Variants in PARP9 observed in about 807,000 individuals in gnomAD.
PARP9 encodes the protein protein mono-ADP-ribosyltransferase PARP9.
In PARP9, 48 loss-of-function variants were observed where a neutral mutation model predicts 68.8. The ratio of observed to expected loss-of-function variants is 0.70; its 90% CI spans 0.55 to 0.89. The LOEUF (loss-of-function observed/expected upper bound fraction) is 0.89. Among genes scored for constraint, PARP9 ranks in the 40% least tolerant of loss-of-function variants. The probability of loss-of-function intolerance (pLI) is 0.00; values close to 1 mark genes in which losing one functional copy is unlikely to be tolerated. For synonymous variants in PARP9, 309 were observed against 333.8 expected (o/e 0.93, Z 0.81); for missense variants, 806 against 969.3 (o/e 0.83, Z 2.24).
chr3:122,545,353 C>T, intron 7 of PARP9, 79 bp downstream of exon 7: 1 of 1,427,828 alleles, frequency 7.0e-7, no homozygotes, highest in Non-Finnish European at 9.9e-7. Flanking sequence ...CTTCTCCCCT[C>T]CGTTAGTTCA....
intron 8 of PARP9, among the ~76,000 whole-genome samples, chr3:122,539,119 ACTCT>A (rs1037195185): frequency 6.6e-6 from 1 of 151,540 alleles, no homozygotes; most frequent in Non-Finnish European, 1.5e-5. Context: ...GTTTCAAGAA[ACTCT>A]CTGTACTCTT....
chr3:122,547,328 C>G (rs1455803432), intron 6 of PARP9, among the ~76,000 whole-genome samples: 3 of 151,656 alleles, frequency 2.0e-5, no homozygotes, highest in Admixed American at 2.0e-4. Context: ...TTCCTGACCT[C>G]AGGTGATCCG....
chr3:122,543,459 C>T (rs546877385), intron 7 of PARP9, among the ~76,000 whole-genome samples: 1 of 149,124 alleles, frequency 6.7e-6, no homozygotes, highest in Non-Finnish European at 1.5e-5. Flanking sequence ...GTATTTTTAG[C>T]AGAGATGGGA....
In PARP9 at chr3:122,556,097, T is replaced by C. The variant is rs1206869795; in HGVS notation, c.74A>G (p.Tyr25Cys). ...GTGGTTAATGGGAATTTGCCAACTA[T>C]AGTTTTCTCCAAGAGCACCAGTCTC... ...KSETGALGENYSWQIPINHND... is the reference protein window; with the variant it reads ...KSETGALGENCSWQIPINHND... Residue 25 changes from tyrosine (Y) to cysteine (C), a missense_variant, in exon 4 of 11, where the codon TAT becomes TGT. By Grantham distance (194) the Tyr-to-Cys change is radical (BLOSUM62 -2). This residue lies in a region of PARP9 where 126 missense variants were observed against 110.5 expected (regional missense o/e 1.14). Transcript: ENST00000682323. 2.0e-6 allele frequency: 3 copies of C among 1,506,876 alleles called. No homozygotes were observed. The Admixed American group carries it at 5.7e-5, about 28-fold the overall frequency. The allele number at this position is 1,506,876 out of a possible 1,614,324, so 93.3% of individuals were successfully genotyped here.
chr3:122,536,374 A>C (rs551663584), intron 9 of PARP9, 32 bp from the exon 10 acceptor site: 1 of 1,604,506 alleles, frequency 6.2e-7, no homozygotes, highest in South Asian at 1.1e-5. Context: ...ACTGAAAAAG[A>C]GGCTAGAGAA....
intron 4 of PARP9, 68 bp downstream of exon 4, chr3:122,555,218 C>T (rs1464621130): frequency 1.4e-6 from 2 of 1,421,284 alleles, no homozygotes; most frequent in East Asian, 2.3e-5. Flanking sequence ...GCATAGTGTA[C>T]ACTCAAAAAT....
chr3:122,547,926 C>T (rs2078894465), intron 6 of PARP9, among the ~76,000 whole-genome samples: 1 of 152,070 alleles, frequency 6.6e-6, no homozygotes, highest in South Asian at 2.1e-4. Context: ...AGAGATAATC[C>T]TCTGCATGGG....
At chr3:122,539,507 A>ATTCCTTCC (rs1553714534) in intron 8 of PARP9, among the ~76,000 whole-genome samples, 6 of 133,162 alleles carry the variant, frequency 4.5e-5, no homozygotes, top group South Asian at 2.5e-4. Flanking sequence ...CCAAGATGGC[A>ATTCCTTCC]TTTCTTTCTT....
At chr3:122,535,982 A>T in intron 10 of PARP9, 186 bp downstream of exon 10, 2 of 1,486,920 alleles carry the variant, frequency 1.3e-6, no homozygotes, top group Admixed American at 2.5e-5. Context: ...AAAGATACGA[A>T]GGAAAAGTAA....
At chr3:122,563,453 GTTTC>G (rs2080408872) in intron 1 of PARP9, among the ~76,000 whole-genome samples, 1 of 152,158 alleles carries the variant, frequency 6.6e-6, no homozygotes, top group Non-Finnish European at 1.5e-5. Context: ...AATTTCATCT[GTTTC>G]TTTATCCTTT....
At position 122,540,853 on chromosome 3, in the gene PARP9, C is replaced by T; in HGVS notation, c.1385-1G>A. ...TTCTCCTCTCTGGTTGACTGGGGGA[C>T]TGAAATGACTATAATAAGCAACCAT... On this transcript the variant is annotated splice_acceptor_variant, in intron 7 of 10. Transcript: ENST00000682323. LOFTEE classifies it high-confidence loss of function. 1 of 1,607,756 alleles carries T rather than the reference C, an allele frequency of 6.2e-7. No homozygotes were observed. The highest frequency in any genetic ancestry group is 8.5e-7 in the Non-Finnish European group (1 of 1,177,528).
Position 122,536,943 on chromosome 3 carries a change from C to T in PARP9, c.1896G>A (p.Gln632=). 1 of 1,612,554 alleles carries T rather than the reference C, an allele frequency of 6.2e-7. No homozygotes were observed. The highest frequency in any genetic ancestry group is 8.5e-7 in the Non-Finnish European group (1 of 1,179,602). ...CCTTTGTTAGGTATACCTTTAGAACCTGCAAACCACATTTTTCAAACTGTT... is the reference window on the plus strand; with the variant it reads ...CCTTTGTTAGGTATACCTTTAGAACTTGCAAACCACATTTTTCAAACTGTT... ...QKKQFEKCGL[Q]VLKVEKIDNE... The change falls in exon 9 of 11, where the codon CAG becomes CAA. Residue 632 remains glutamine, a synonymous_variant. Transcript: ENST00000682323.
intron 8 of PARP9, among the ~76,000 whole-genome samples, chr3:122,537,950 T>C (rs2077776570): frequency 6.6e-6 from 1 of 152,186 alleles, no homozygotes; most frequent in African/African-American, 2.4e-5. Context: ...AAAAAAGACT[T>C]GTTTTCTCTT....
At chr3:122,530,161 A>C (rs2077208828) in intron 10 of PARP9, among the ~76,000 whole-genome samples, 2 of 148,718 alleles carry the variant, frequency 1.3e-5, no homozygotes, top group African/African-American at 5.0e-5. Flanking sequence ...TGGGTGACAA[A>C]GCAAGGCCCT....
Position 122,555,839 on chromosome 3 carries a change from C to T in PARP9, c.332G>A (p.Gly111Glu), listed in dbSNP as rs2079587570. Residue 111 changes from glycine to glutamate, a missense_variant, in exon 4 of 11, where the codon GGG becomes GAG. Transcript: ENST00000682323. ...VNAANEDLLH[G>E]GGLALALVKA... ...TACCAGGGCCAGGGCCAGGCCTCCC[C>T]CATGCAGAAGATCTTCATTGGCTGC... is the stretch of plus-strand genomic sequence containing the variant. The T allele has an allele frequency of 1.2e-6, 2 of 1,613,948 alleles. No homozygotes were observed. Among genetic ancestry groups the T allele is most frequent in the Non-Finnish European group, 8.5e-7 (1 of 1,180,026 alleles).
intron 1 of PARP9, among the ~76,000 whole-genome samples, chr3:122,562,156 CTCTTTTCTTTTCTTT>C (rs11276615): frequency 0.22 from 30,497 of 140,970 alleles, 3,680 homozygotes; most frequent in East Asian, 0.38. Context: ...TGGCAATATA[CTCTTTTCTTTTCTTT>C]TCTTTTCTTT....
intron 1 of PARP9, among the ~76,000 whole-genome samples, chr3:122,560,951 A>G (rs949824443): frequency 6.6e-6 from 1 of 152,194 alleles, no homozygotes; most frequent in African/African-American, 2.4e-5. Flanking sequence ...AGGCCTATGG[A>G]TAGCCAAACA....
rs1335800557 is a variant in PARP9, at chr3:122,562,173, C to CTTTTCTTTTCTTTTCTT, written c.-90+2055_-90+2071dup. 3.5e-4 allele frequency among the ~76,000 whole-genome samples: 47 copies of CTTTTCTTTTCTTTTCTT among 134,278 alleles called. 2 individuals carry two copies. Among genetic ancestry groups the CTTTTCTTTTCTTTTCTT allele is most frequent in the African/African-American group, 1.4e-3 (46 of 33,162 alleles). The allele number at this position is 134,278 out of a possible 152,430, so 88.1% of individuals were successfully genotyped here. A position where few individuals can be genotyped will look rare whatever the true frequency, so the allele number is the denominator to read the frequency against. On this transcript the variant is annotated intron_variant, in intron 1 of 10. Coordinates refer to ENST00000682323, the MANE Select transcript of PARP9 (RefSeq NM_001146105.2). ...GCAATATACTCTTTTCTTTTCTTTT[C>CTTTTCTTTTCTTTTCTT]TTTTCTTTTCTTTTCTTTTCTTTTC...
chr3:122,532,115 G>C (rs1249285474), intron 10 of PARP9: 2 of 979,804 alleles, frequency 2.0e-6, no homozygotes, highest in Admixed American at 1.2e-4. Flanking sequence ...TCACCTGAGT[G>C]GAGAGTGGCA....
Sources: gnomAD v4.1 joint callset for allele counts (sites outside exome capture counted in the v4.1 genomes callset) on GRCh38, gnomAD v4.1.1 for gene constraint, gnomAD v4.1.1 regional missense constraint, MANE v1.5 for transcripts, NCBI Gene and HGNC (gene_info 2026-07-23, HGNC 2026-07-21) for gene names.